Variants in PFAS observed in about 807,000 individuals in gnomAD.
PFAS encodes phosphoribosylformylglycinamidine synthase.
PFAS carries 97 observed loss-of-function variants against 140.6 expected under a neutral mutation model. That is an observed-to-expected ratio of 0.69 (90% confidence interval 0.59 to 0.82). The LOEUF (loss-of-function observed/expected upper bound fraction) is 0.82, where lower values mean the gene tolerates loss of function less well. Among genes scored for constraint, PFAS ranks in the 40% least tolerant of loss-of-function variants. The pLI, the probability that PFAS is intolerant of heterozygous loss-of-function variation, is 0.00. For synonymous variants in PFAS, 679 were observed against 718.8 expected (o/e 0.94, Z 0.88); for missense variants, 1,656 against 1,780.2 (o/e 0.93, Z 1.26).
At chr17:8,264,113 C>A in intron 15 of PFAS, 99 bp from the exon 16 acceptor site, 1 of 1,544,886 alleles carries the variant, frequency 6.5e-7, no homozygotes, top group Non-Finnish European at 8.9e-7. Context: ...GGAAACCAAA[C>A]AAGGAGTGGA....
chr17:8,257,960 A>T, intron 10 of PFAS, 22 bp downstream of exon 10: 1 of 1,613,464 alleles, frequency 6.2e-7, no homozygotes, highest in Non-Finnish European at 8.5e-7. Flanking sequence ...GTGTGGAGGG[A>T]TGACAAACAC....
Position 8,267,099 on chromosome 17 carries a change from G to A in PFAS, c.3039G>A (p.Glu1013=), listed in dbSNP as rs763474896. ...GGGAGCTGCGAGCCCTCTGGGAGGAGACGAGTTTCCAGCTGGACCGGCTAC... is the reference window on the plus strand; with the variant it reads ...GGGAGCTGCGAGCCCTCTGGGAGGAAACGAGTTTCCAGCTGGACCGGCTAC... ...PVGELRALWE[E]TSFQLDRLQA... is the part of the protein sequence containing the mutation. Residue 1013 remains glutamate, a synonymous_variant, in exon 24 of 28, where the codon GAG becomes GAA. Coordinates refer to ENST00000314666, the MANE Select transcript of PFAS (RefSeq NM_012393.3). This position sits in a 1 kb window ranked among gnomAD's most constrained non-coding sequence, Gnocchi z 4.9. The A allele has an allele frequency of 6.2e-7, 1 of 1,613,924 alleles. No individual in the cohort carries two copies. The highest frequency in any genetic ancestry group is 1.1e-5 in the South Asian group (1 of 91,058).
chr17:8,256,609 C>T lies in PFAS; in HGVS notation c.907C>T (p.His303Tyr), dbSNP rs151104340. ...CTTCCAGCAACAGCAAGGGCTGAGA[C>T]ATGTTGTCTTCACAGCAGAGACTCA... ...SRFQQQQGLR[H>Y]VVFTAETHNF... Residue 303 changes from histidine to tyrosine, a missense_variant, in exon 8 of 28, where the codon CAT becomes TAT. His to Tyr is a moderately conservative substitution (Grantham distance 83). Around this residue, in one of 2 missense-constraint regions of PFAS, gnomAD observed 773 missense variants for 757.3 expected, o/e 1.02. Transcript: ENST00000314666. The T allele has an allele frequency of 4.6e-5, 75 of 1,614,060 alleles. No individual in the cohort carries two copies. The highest frequency in any genetic ancestry group is 1.6e-4 in the Middle Eastern group (1 of 6,084).
chr17:8,263,968 C>G (rs535371688), intron 15 of PFAS, 32 bp downstream of exon 15: 5 of 1,607,174 alleles, frequency 3.1e-6, no homozygotes, highest in Middle Eastern at 1.6e-4. Context: ...GGAGCAAACA[C>G]TGGGGCAGAC....
Position 8,257,857 on chromosome 17 carries a change from G to T in PFAS, c.1126G>T (p.Ala376Ser), listed in dbSNP as rs1488661630. Residue 376 changes from alanine to serine, a missense_variant, in exon 10 of 28, where the codon GCC becomes TCC. By Grantham distance (99) the Ala-to-Ser change is moderately conservative (BLOSUM62 1). Transcript: ENST00000314666. The part of the protein sequence containing the change: ...DPSFQYPGNF[A>S]RPLEVAIEAS... The stretch of plus-strand genomic sequence containing the variant: ...AAGCTTCCAGTATCCTGGGAATTTT[G>T]CCCGGCCCCTGGAGGTTGCCATTGA... 1 of 1,613,994 alleles carries T rather than the reference G, an allele frequency of 6.2e-7. No homozygotes were observed.
At chr17:8,255,725 G>T (rs1325254626) in intron 5 of PFAS, 34 bp downstream of exon 5, 2 of 1,606,432 alleles carry the variant, frequency 1.2e-6, no homozygotes, top group African/African-American at 2.7e-5. Context: ...TAGGGTCCAG[G>T]ATAGGCCAGT....
At chr17:8,262,899 T>G (rs1185293812) in intron 11 of PFAS, 21 bp from the exon 12 acceptor site, 2 of 1,607,316 alleles carry the variant, frequency 1.2e-6, no homozygotes, top group African/African-American at 1.3e-5. Flanking sequence ...AGTGTTCTGA[T>G]TCTGCCTTCC....
At chr17:8,252,675 G>C (rs569163280) in intron 1 of PFAS, among the ~76,000 whole-genome samples, 1 of 152,276 alleles carries the variant, frequency 6.6e-6, no homozygotes, top group Admixed American at 6.5e-5. Flanking sequence ...GGAGTGCAGC[G>C]GCTTGATCAC....
chr17:8,268,748 G>C lies in PFAS; in HGVS notation c.3598G>C (p.Gly1200Arg), dbSNP rs1446129145. 1.2e-5 allele frequency: 20 copies of C among 1,612,264 alleles called. No individual in the cohort carries two copies. The highest frequency in any genetic ancestry group is 8.3e-5 in the Admixed American group (5 of 60,008). The change falls in exon 27 of 28, where the codon GGG becomes CGG. Residue 1200 changes from glycine (G) to arginine (R), a missense_variant. Around this residue, in one of 2 missense-constraint regions of PFAS, gnomAD observed 883 missense variants for 1,023.0 expected, o/e 0.86. Coordinates refer to ENST00000314666, the MANE Select transcript of PFAS (RefSeq NM_012393.3). The stretch of plus-strand genomic sequence containing the variant: ...CCTTCTGCTACGCCACAACCTGTCT[G>C]GGCGCTACGAGTCTCGCTGGGCCAG... ...PGLLLRHNLSGRYESRWASVR... is the reference protein window; with the variant it reads ...PGLLLRHNLSRRYESRWASVR...
chr17:8,255,172 G>A, intron 4 of PFAS, 40 bp downstream of exon 4: 6 of 1,406,358 alleles, frequency 4.3e-6, no homozygotes, highest in Non-Finnish European at 4.0e-6. Flanking sequence ...ATGAGCCAGA[G>A]ATACAAGATT....
rs763042045 is a variant in PFAS at position 8,253,932 on chromosome 17, G to A, written c.-6G>A. 1 of 1,610,278 alleles carries A rather than the reference G, an allele frequency of 6.2e-7. No individual in the cohort carries two copies. The highest frequency in any genetic ancestry group is 8.5e-7 in the Non-Finnish European group (1 of 1,177,476). ...CACCTCTCTCCAGCAAAGGACACCT[G>A]CAGAGATGTCCCCAGTCCTTCACTT... On this transcript the variant is annotated 5_prime_UTR_variant, in exon 2 of 28. Transcript: ENST00000314666.
At chr17:8,261,673 C>T (rs1353686259) in intron 11 of PFAS, among the ~76,000 whole-genome samples, 2 of 151,470 alleles carry the variant, frequency 1.3e-5, no homozygotes, top group Non-Finnish European at 2.9e-5. Context: ...TGCAGTGGTG[C>T]GATCTCAGCT....
intron 12 of PFAS, 40 bp from the exon 13 acceptor site, chr17:8,263,069 C>T (rs560498871): frequency 1.2e-6 from 2 of 1,612,060 alleles, no homozygotes; most frequent in Non-Finnish European, 1.7e-6. Flanking sequence ...ATAGGAGCTT[C>T]CAGTCTCGCT....
At chr17:8,264,392 T>G in intron 16 of PFAS, 55 bp downstream of exon 16, 1 of 1,612,514 alleles carries the variant, frequency 6.2e-7, no homozygotes, top group Non-Finnish European at 8.5e-7. Flanking sequence ...CACCACCCTT[T>G]ACCCTACGTG....
chr17:8,267,588 C>A lies in PFAS; in HGVS notation c.3305C>A (p.Ala1102Glu). The change falls in exon 26 of 28, where the codon GCA (alanine) becomes GAA (glutamate). Residue 1102 changes from alanine to glutamate, a missense_variant. Ala to Glu is a moderately radical substitution (Grantham distance 107). This residue lies in a region of PFAS where 883 missense variants were observed against 1,023.0 expected (regional missense o/e 0.86). Transcript: ENST00000314666. The surrounding 1 kb of genome is among the most constrained non-coding windows in gnomAD (Gnocchi z 4.9). ...ACCATGCAGGACCTCTGCTCTGGGG[C>A]AATTGGGCTGGACACTTTCCGTGGC... Reference protein sequence around the residue: ...DVTMQDLCSGAIGLDTFRGVA... With the variant: ...DVTMQDLCSGEIGLDTFRGVA... 5 of 1,613,170 alleles carry A rather than the reference C, an allele frequency of 3.1e-6. No homozygotes were observed. Among genetic ancestry groups the A allele is most frequent in the Non-Finnish European group, 4.2e-6 (5 of 1,179,154 alleles).
Position 8,268,775 on chromosome 17 carries a change from G to A in PFAS, c.3625G>A (p.Val1209Met), listed in dbSNP as rs374115035. Residue 1209 changes from valine (V) to methionine (M), a missense_variant, in exon 27 of 28, where the codon GTG becomes ATG. Physicochemically the swap from Val to Met is conservative, Grantham distance 21 (BLOSUM62 1). Coordinates refer to ENST00000314666, the MANE Select transcript of PFAS (RefSeq NM_012393.3). The stretch of plus-strand genomic sequence containing the variant: ...GCGCTACGAGTCTCGCTGGGCCAGC[G>A]TGCGTGTGGGGCCTGGGCCAGCCCT... The part of the protein sequence containing the change: ...SGRYESRWAS[V>M]RVGPGPALML... 49 of 1,610,134 alleles carry A rather than the reference G, an allele frequency of 3.0e-5. No homozygotes were observed. The highest frequency in any genetic ancestry group is 1.7e-4 in the Admixed American group (10 of 59,996).
At chr17:8,253,773 A>G in intron 1 of PFAS, 86 bp from the exon 2 acceptor site, 1 of 946,562 alleles carries the variant, frequency 1.1e-6, no homozygotes, top group Non-Finnish European at 1.5e-6. Context: ...TCCTGACCTC[A>G]GGCAATCCAC....
intron 1 of PFAS, 57 bp from the exon 2 acceptor site, chr17:8,253,802 G>C (rs1357154848): frequency 6.0e-6 from 8 of 1,326,966 alleles, no homozygotes; most frequent in Non-Finnish European, 8.0e-6. Context: ...GTCTCCCAAA[G>C]TGCTGGGGTT....
Position 8,266,630 on chromosome 17 carries a change from C to T in PFAS, c.2822-123C>T. 2 of 1,504,068 alleles carry T rather than the reference C, an allele frequency of 1.3e-6. No homozygotes were observed. Among genetic ancestry groups the T allele is most frequent in the South Asian group, 1.4e-5 (1 of 74,002 alleles). The allele number at this position is 1,504,068 out of a possible 1,614,324, so 93.2% of individuals were successfully genotyped here. On this transcript the variant is annotated intron_variant, in intron 22 of 27. Transcript: ENST00000314666. The surrounding 1 kb of genome is among the most constrained non-coding windows in gnomAD (Gnocchi z 5.0). The stretch of plus-strand genomic sequence containing the variant: ...TCCTAGCCCTCATCCTCCCTGATCC[C>T]TACCCTACTCTCTGGCTGCATCCCT...
Sources: allele counts gnomAD v4.1 joint callset (sites outside exome capture counted in the v4.1 genomes callset), GRCh38; gene constraint gnomAD v4.1.1; regional missense constraint gnomAD v4.1.1; non-coding constraint Gnocchi (gnomAD v3.1); transcripts MANE v1.5; gene names NCBI Gene and HGNC (gene_info 2026-07-23, HGNC 2026-07-21).